The following SLC7A2 variants were observed in gnomAD, a reference collection of about 807,000 sequenced individuals.
The protein encoded by SLC7A2 is solute carrier family 7 member 2.
A neutral mutation model predicts 58.9 loss-of-function variants in SLC7A2; 48 were observed. That is an observed-to-expected ratio of 0.82 (90% CI 0.65 to 1.04). SLC7A2 has a LOEUF of 1.04. SLC7A2 is among the 50% of genes least tolerant of loss of function. The probability of loss-of-function intolerance (pLI) is 0.00; values close to 1 mark genes in which losing one functional copy is unlikely to be tolerated. For missense variants in SLC7A2, 1,029 were observed against 818.8 expected (o/e 1.26, Z -3.13); for synonymous variants, 363 against 314.5 (o/e 1.15, Z -1.63).
rs567670293 is a variant in SLC7A2, at chr8:17,569,554, GA to G, written c.*4409del. On this transcript the variant is annotated 3_prime_UTR_variant, in exon 13 of 13. Transcript: ENST00000494857. ...TTGCTTGACTTTATTGTTTTGGGGA[GA>G]TTTTTTTTCCTTACATGATTATATT... The G allele has an allele frequency of 2.9e-4, 44 of 152,196 alleles. No individual in the cohort carries two copies. Among genetic ancestry groups the G allele is most frequent in the African/African-American group, 9.6e-4 (40 of 41,534 alleles). The allele number at this position is 152,196 out of a possible 1,614,324, so 9.4% of individuals were successfully genotyped here.
chr8:17,565,350 C>T lies in SLC7A2; in HGVS notation c.*204C>T. On this transcript the variant is annotated 3_prime_UTR_variant, in exon 13 of 13. Transcript: ENST00000494857. Reference sequence around the variant, plus strand: ...AAACCTCCTGAGTGGAAGTTTCATTCATCAGTGATGAATAGCCCCCAAACA... The same window carrying T: ...AAACCTCCTGAGTGGAAGTTTCATTTATCAGTGATGAATAGCCCCCAAACA... The T allele has an allele frequency of 1.8e-6, 1 of 550,344 alleles. No individual in the cohort carries two copies. Among genetic ancestry groups the T allele is most frequent in the Non-Finnish European group, 3.2e-6 (1 of 311,560 alleles). 34.1% of individuals were successfully genotyped at this position (550,344 alleles called of 1,614,324 possible).
intron 2 of SLC7A2, among the ~76,000 whole-genome samples, chr8:17,532,229 CAAAAAAAAAAAAAAA>C (rs534441508): frequency 2.2e-5 from 1 of 46,202 alleles, no homozygotes; most frequent in African/African-American, 1.0e-4. Context: ...GACTCTATCT[CAAAAAAAAAAAAAAA>C]AAAAAAAAAA....
At chr8:17,512,187 A>G (rs1425453129) in intron 2 of SLC7A2, among the ~76,000 whole-genome samples, 1 of 152,068 alleles carries the variant, frequency 6.6e-6, no homozygotes, top group Non-Finnish European at 1.5e-5. Flanking sequence ...CTCTATGTGG[A>G]GTAGAGTAAC....
chr8:17,509,105 TG>T, intron 2 of SLC7A2, among the ~76,000 whole-genome samples: 1 of 152,240 alleles, frequency 6.6e-6, no homozygotes, highest in African/African-American at 2.4e-5. Flanking sequence ...CAACTGTAAT[TG>T]AAAGTTCGAG....
intron 2 of SLC7A2, among the ~76,000 whole-genome samples, chr8:17,526,870 A>G (rs1298740644): frequency 6.6e-6 from 1 of 152,220 alleles, no homozygotes; most frequent in South Asian, 2.1e-4. Flanking sequence ...AAGTTTCAAC[A>G]TAATGTATTA....
chr8:17,559,998 A>G (rs1279928956), intron 9 of SLC7A2, among the ~76,000 whole-genome samples: 2 of 152,194 alleles, frequency 1.3e-5, no homozygotes, highest in South Asian at 2.1e-4. Flanking sequence ...TGCTGTTTTC[A>G]TGAACCGCAT....
chr8:17,530,438 C>T (rs1243169242), intron 2 of SLC7A2, among the ~76,000 whole-genome samples: 1 of 152,116 alleles, frequency 6.6e-6, no homozygotes, highest in African/African-American at 2.4e-5. Flanking sequence ...GGCTACAGTA[C>T]TCGTTGGAGA....
At chr8:17,543,214 AC>A (rs1801993900) in intron 2 of SLC7A2, 103 bp from the exon 3 acceptor site, 238 of 985,154 alleles carry the variant, frequency 2.4e-4, no homozygotes, top group East Asian at 8.7e-4. Context: ...ACACACACAC[AC>A]AAACACACAC....
chr8:17,519,408 AT>A (rs1800927933), intron 2 of SLC7A2, among the ~76,000 whole-genome samples: 1 of 152,202 alleles, frequency 6.6e-6, no homozygotes, highest in Non-Finnish European at 1.5e-5. Flanking sequence ...TTCTGAAATT[AT>A]AAATTGATGA....
At chr8:17,494,518 A>T (rs372114306), upstream of SLC7A2, among the ~76,000 whole-genome samples, 2 of 152,200 alleles carry the variant, frequency 1.3e-5, no homozygotes, top group South Asian at 2.1e-4. Context: ...ATTTTACTCA[A>T]CTGGGAAAAA....
intron 8 of SLC7A2, among the ~76,000 whole-genome samples, chr8:17,556,152 GC>G (rs1238398944): frequency 2.0e-5 from 3 of 151,988 alleles, no homozygotes; most frequent in Admixed American, 1.3e-4. Context: ...TTAGATTTCT[GC>G]CCCCCTAAAA....
At chr8:17,557,751 C>T (rs1309188923) in intron 8 of SLC7A2, among the ~76,000 whole-genome samples, 1 of 152,076 alleles carries the variant, frequency 6.6e-6, no homozygotes, top group African/African-American at 2.4e-5. Flanking sequence ...TCGCTTGGAC[C>T]AGGGGGGTGG....
intron 1 of SLC7A2, chr8:17,498,640 T>C (rs1025836287): frequency 6.6e-6 from 1 of 152,212 alleles, no homozygotes; most frequent in African/African-American, 2.4e-5. Context: ...GCCCACACTT[T>C]GTTTACATTC....
At chr8:17,527,343 G>A (rs984106050) in intron 2 of SLC7A2, among the ~76,000 whole-genome samples, 5 of 152,124 alleles carry the variant, frequency 3.3e-5, no homozygotes, top group Non-Finnish European at 7.3e-5. Context: ...TCATTCATTG[G>A]ACAAATGTTT....
chr8:17,513,716 G>C (rs1800692467), intron 2 of SLC7A2, among the ~76,000 whole-genome samples: 1 of 152,184 alleles, frequency 6.6e-6, no homozygotes, highest in Non-Finnish European at 1.5e-5. Context: ...TGATAGTGAA[G>C]CTAGCCTAAG....
rs1422789845 is a variant in SLC7A2 at position 17,554,573 on chromosome 8, A to G, written c.1069A>G (p.Ile357Val). The G allele has an allele frequency of 1.9e-6, 3 of 1,604,074 alleles. No individual in the cohort carries two copies. Among genetic ancestry groups the G allele is most frequent in the African/African-American group, 1.3e-5 (1 of 74,702 alleles). ...CALSTSLLGS[I>V]FPMPRVIYAM... is the part of the protein sequence containing the mutation. The stretch of plus-strand genomic sequence containing the variant: ...CTTTTTATTCAGTCTTCTTGGATCC[A>G]TTTTCCCAATGCCTCGTGTAATCTA... Residue 357 changes from isoleucine to valine, a missense_variant, in exon 8 of 13, where the codon ATT becomes GTT. Physicochemically the swap from Ile to Val is conservative, Grantham distance 29. Transcript: ENST00000494857.
At chr8:17,521,014 C>A (rs1563445433) in intron 2 of SLC7A2, among the ~76,000 whole-genome samples, 1 of 151,962 alleles carries the variant, frequency 6.6e-6, no homozygotes, top group East Asian at 1.9e-4. Flanking sequence ...ATGAGATTTC[C>A]TTTAGAAAGA....
At chr8:17,542,259 T>A (rs554564771) in intron 2 of SLC7A2, among the ~76,000 whole-genome samples, 1 of 152,340 alleles carries the variant, frequency 6.6e-6, no homozygotes, top group East Asian at 1.9e-4. Context: ...TTTACGTGCT[T>A]TTAGATGATA....
intron 2 of SLC7A2, among the ~76,000 whole-genome samples, chr8:17,506,946 A>T (rs1469685328): frequency 2.1e-5 from 3 of 140,050 alleles, no homozygotes; most frequent in East Asian, 2.1e-4. Flanking sequence ...TATTTGTGGA[A>T]TTTTTTTTTT....
Sources: gnomAD v4.1 joint callset for allele counts (sites outside exome capture counted in the v4.1 genomes callset) on GRCh38, gnomAD v4.1.1 for gene constraint, MANE v1.5 for transcripts, NCBI Gene and HGNC (gene_info 2026-07-23, HGNC 2026-07-21) for gene names.